GRM7: variants seen among roughly 807,000 people sequenced by gnomAD.
The protein encoded by GRM7 is metabotropic glutamate receptor 7.
In GRM7, 35 loss-of-function variants were observed where a neutral mutation model predicts 84.5. That is an observed-to-expected ratio of 0.41 (90% CI 0.32 to 0.55). The LOEUF is 0.55. Ranked by LOEUF, GRM7 falls within the 20% of genes least tolerant of loss-of-function variation. GRM7 has a pLI of 0.19. For missense variants in GRM7, 1,003 were observed against 1,194.6 expected (o/e 0.84, Z 2.36); for synonymous variants, 487 against 455.1 (o/e 1.07, Z -0.89).
At chr3:7,719,588 G>A (rs1013819846) in intron 9 of GRM7, among the ~76,000 whole-genome samples, 16 of 152,012 alleles carry the variant, frequency 1.1e-4, no homozygotes, top group African/African-American at 2.7e-4. Context: ...CGAGGCTGGC[G>A]GATCATGAGG....
In GRM7 at chr3:6,861,365, C is replaced by T. The variant is rs1402103619; in HGVS notation, c.-24C>T. 6.7e-7 allele frequency: 1 copy of T among 1,490,596 alleles called. No individual in the cohort carries two copies. Among genetic ancestry groups the T allele is most frequent in the Non-Finnish European group, 8.8e-7 (1 of 1,131,790 alleles). 92.3% of individuals were successfully genotyped at this position (1,490,596 alleles called of 1,614,324 possible). ...CCACCGTTCCCTCCAGCGCCGCCGC[C>T]GCCACCGCAGCAGCCGGAGCAGCAT... On this transcript the variant is annotated 5_prime_UTR_variant, in exon 1 of 10. Coordinates refer to ENST00000357716, the MANE Select transcript of GRM7 (RefSeq NM_000844.4). The surrounding 1 kb of genome is among the most constrained non-coding windows in gnomAD (Gnocchi z 6.4).
intron 2 of GRM7, among the ~76,000 whole-genome samples, chr3:7,157,093 A>T (rs530874907): frequency 6.6e-6 from 1 of 152,262 alleles, no homozygotes; most frequent in African/African-American, 2.4e-5. Flanking sequence ...AAGATGACAG[A>T]CTGTGTCTTC....
At chr3:7,082,398 C>T (rs1698303569) in intron 1 of GRM7, among the ~76,000 whole-genome samples, 1 of 151,994 alleles carries the variant, frequency 6.6e-6, no homozygotes, top group Non-Finnish European at 1.5e-5. Flanking sequence ...TTGAGAGCTA[C>T]TACTCGGTAA....
At position 7,525,565 on chromosome 3, in the gene GRM7, A is replaced by G. The variant is rs371670445; in HGVS notation, c.1516-52857A>G. On this transcript the variant is annotated intron_variant, in intron 7 of 9. Coordinates refer to ENST00000357716, the MANE Select transcript of GRM7 (RefSeq NM_000844.4). ...TTATGTTCATGTGTGTGTATGTATG[A>G]ATGAATTATTTAGGGGGTACATGTG... 3.9e-5 allele frequency among the ~76,000 whole-genome samples: 6 copies of G among 152,148 alleles called. No individual in the cohort carries two copies. In the East Asian group the frequency reaches 5.8e-4, roughly 15 times the overall value.
chr3:7,352,497 T>C (rs554518707), intron 4 of GRM7, among the ~76,000 whole-genome samples: 1 of 151,802 alleles, frequency 6.6e-6, no homozygotes, highest in Admixed American at 6.6e-5. Flanking sequence ...TGAAGACGAG[T>C]CTCTGCTCCT....
At chr3:7,580,291 G>A (rs1325626969) in intron 8 of GRM7, among the ~76,000 whole-genome samples, 1 of 152,204 alleles carries the variant, frequency 6.6e-6, no homozygotes, top group Non-Finnish European at 1.5e-5. Context: ...GTACAACTGG[G>A]ATCTAGAGTT....
At chr3:7,289,443 A>G (rs2125008018) in intron 2 of GRM7, among the ~76,000 whole-genome samples, 1 of 152,348 alleles carries the variant, frequency 6.6e-6, no homozygotes, top group African/African-American at 2.4e-5. Flanking sequence ...TGTGGAAAAC[A>G]GTGTGGTGAT....
intron 4 of GRM7, among the ~76,000 whole-genome samples, chr3:7,374,484 T>C (rs1694262798): frequency 1.3e-5 from 2 of 151,700 alleles, no homozygotes; most frequent in African/African-American, 4.8e-5. Context: ...TCATTATTAT[T>C]ATTATTATTT....
chr3:7,312,206 C>G (rs761767379), intron 4 of GRM7, among the ~76,000 whole-genome samples: 1 of 152,108 alleles, frequency 6.6e-6, no homozygotes, highest in Non-Finnish European at 1.5e-5. Context: ...ATGAGCGATG[C>G]CCTGTCCCTT....
At chr3:7,646,455 G>C (rs1275666142) in intron 8 of GRM7, among the ~76,000 whole-genome samples, 3 of 152,092 alleles carry the variant, frequency 2.0e-5, no homozygotes, top group African/African-American at 7.2e-5. Flanking sequence ...GCCTCCCAAA[G>C]TGCTTGGATT....
rs556713954 is a variant in GRM7 at position 6,988,157 on chromosome 3, T to C, written c.519+126250T>C. 5.1e-4 allele frequency among the ~76,000 whole-genome samples: 73 copies of C among 143,168 alleles called. No individual in the cohort carries two copies. In the South Asian group the frequency reaches 0.015, roughly 30 times the overall value. The allele number at this position is 143,168 out of a possible 152,430, so 93.9% of individuals were successfully genotyped here. On this transcript the variant is annotated intron_variant, in intron 1 of 9. Transcript: ENST00000357716. Reference sequence around the variant, plus strand: ...GACTACAGGCGGCCACCATCACGCCTGGCTAATTTTTTTTTTTTTTTTTTT... The same window carrying C: ...GACTACAGGCGGCCACCATCACGCCCGGCTAATTTTTTTTTTTTTTTTTTT...
At chr3:7,258,806 C>G (rs1204408587) in intron 2 of GRM7, among the ~76,000 whole-genome samples, 4 of 152,084 alleles carry the variant, frequency 2.6e-5, no homozygotes, top group African/African-American at 9.7e-5. Flanking sequence ...TCGATGCCAC[C>G]CTAATAACTT....
intron 1 of GRM7, among the ~76,000 whole-genome samples, chr3:7,054,910 C>G (rs1339463637): frequency 1.3e-5 from 2 of 152,026 alleles, no homozygotes; most frequent in East Asian, 3.9e-4. Context: ...GTGGTATGTT[C>G]TAGAATCTCT....
intron 7 of GRM7, among the ~76,000 whole-genome samples, chr3:7,528,781 T>G (rs1241797145): frequency 6.6e-6 from 1 of 152,106 alleles, no homozygotes; most frequent in African/African-American, 2.4e-5. Flanking sequence ...TACTCAAAAT[T>G]TATTCAGGAC....
At chr3:7,265,528 TCATC>T (rs1698604303) in intron 2 of GRM7, among the ~76,000 whole-genome samples, 1 of 152,146 alleles carries the variant, frequency 6.6e-6, no homozygotes, top group Admixed American at 6.5e-5. Flanking sequence ...CACAGTTCTG[TCATC>T]CAGAGGTGTT....
In GRM7 at chr3:7,402,617, C is replaced by G. The variant is rs144109221; in HGVS notation, c.1034-12406C>G. Among the ~76,000 whole-genome samples, 518 of 152,170 alleles carry G rather than the reference C, an allele frequency of 3.4e-3. 3 individuals are homozygous for G. The highest frequency in any genetic ancestry group is 0.025 in the South Asian group (122 of 4,812). ...TTTTAGAACGTTGGACAGTTCTTCT[C>G]AAACCTGAAAATACCTGCATATAAA... On this transcript the variant is annotated intron_variant, in intron 4 of 9. Coordinates refer to ENST00000357716, the MANE Select transcript of GRM7 (RefSeq NM_000844.4).
At chr3:7,025,986 T>A (rs1695966212) in intron 1 of GRM7, among the ~76,000 whole-genome samples, 1 of 152,174 alleles carries the variant, frequency 6.6e-6, no homozygotes, top group African/African-American at 2.4e-5. Flanking sequence ...TGCAGCTAGG[T>A]GACTACCTGT....
intron 7 of GRM7, among the ~76,000 whole-genome samples, chr3:7,466,326 C>T (rs1698458393): frequency 6.6e-6 from 1 of 152,146 alleles, no homozygotes; most frequent in Non-Finnish European, 1.5e-5. Flanking sequence ...TAGAGACACC[C>T]ACCACAAAGT....
chr3:7,597,234 G>T (rs13321632), intron 8 of GRM7, among the ~76,000 whole-genome samples: 14,616 of 151,890 alleles, frequency 0.096, 848 homozygotes, highest in African/African-American at 0.16. Flanking sequence ...AAGAGAGAGT[G>T]GGGGGAGGTG....
Sources: allele counts gnomAD v4.1 joint callset (sites outside exome capture counted in the v4.1 genomes callset), GRCh38; gene constraint gnomAD v4.1.1; non-coding constraint Gnocchi (gnomAD v3.1); transcripts MANE v1.5; gene names NCBI Gene and HGNC (gene_info 2026-07-23, HGNC 2026-07-21).